Variants in SPIDR observed in about 807,000 individuals in gnomAD.
SPIDR encodes the protein scaffold protein involved in DNA repair.
SPIDR carries 93 observed loss-of-function variants against 104.6 expected under a neutral mutation model. The ratio of observed to expected loss-of-function variants is 0.89; its 90% CI spans 0.75 to 1.06. SPIDR has a LOEUF of 1.06. Ranked by LOEUF, SPIDR falls within the 50% of genes least tolerant of loss-of-function variation. SPIDR has a pLI of 0.00. For missense variants in SPIDR, 1,154 were observed against 1,111.2 expected, an observed-to-expected ratio of 1.04 and a Z score of -0.55; for synonymous variants, 431 against 416.9, an observed-to-expected ratio of 1.03 and a Z score of -0.41.
intron 6 of SPIDR, among the ~76,000 whole-genome samples, chr8:47,407,422 G>A (rs143370077): frequency 6.6e-6 from 1 of 152,278 alleles, no homozygotes; most frequent in Non-Finnish European, 1.5e-5. Flanking sequence ...CCTATGTGCT[G>A]AGCTCATTGG....
At chr8:47,470,261 T>G (rs2075497354) in intron 8 of SPIDR, among the ~76,000 whole-genome samples, 1 of 152,034 alleles carries the variant, frequency 6.6e-6, no homozygotes, top group Admixed American at 6.6e-5. Context: ...ACATATATGG[T>G]GAAGTGAGTT....
chr8:47,618,267 T>C (rs959965939), intron 10 of SPIDR, among the ~76,000 whole-genome samples: 1 of 152,180 alleles, frequency 6.6e-6, no homozygotes, highest in African/African-American at 2.4e-5. Flanking sequence ...AGGCTTTTCC[T>C]GTCATCCTCT....
At chr8:47,557,060 A>C (rs567515940) in intron 8 of SPIDR, among the ~76,000 whole-genome samples, 1 of 152,302 alleles carries the variant, frequency 6.6e-6, no homozygotes, top group African/African-American at 2.4e-5. Flanking sequence ...CAGCAGTGGA[A>C]ATCATAGCTG....
intron 10 of SPIDR, among the ~76,000 whole-genome samples, chr8:47,656,342 G>A (rs2072807334): frequency 6.6e-6 from 1 of 152,126 alleles, no homozygotes; most frequent in Non-Finnish European, 1.5e-5. Context: ...CCAAATAAAA[G>A]ATGGTTAAAA....
intron 5 of SPIDR, among the ~76,000 whole-genome samples, chr8:47,393,467 C>G (rs1554653904): frequency 1.3e-5 from 2 of 152,088 alleles, no homozygotes; most frequent in East Asian, 3.9e-4. Flanking sequence ...GTTGTTGGCT[C>G]CTGCGTCAAG....
At chr8:47,409,078 C>T (rs1156915148) in intron 7 of SPIDR, among the ~76,000 whole-genome samples, 12 of 152,138 alleles carry the variant, frequency 7.9e-5, no homozygotes, top group South Asian at 2.1e-4. Flanking sequence ...CCCAGCTACA[C>T]GGGAGGCTGA....
At chr8:47,533,687 T>C (rs1564253153) in intron 8 of SPIDR, among the ~76,000 whole-genome samples, 2 of 152,114 alleles carry the variant, frequency 1.3e-5, no homozygotes, top group South Asian at 2.1e-4. Context: ...CACTGATCAT[T>C]AGAGAAATGC....
intron 1 of SPIDR, among the ~76,000 whole-genome samples, chr8:47,271,979 T>C (rs1586128011): frequency 2.6e-5 from 4 of 152,152 alleles, no homozygotes; most frequent in African/African-American, 9.6e-5. Context: ...TTTTGTATTT[T>C]TTTTTCTTTT....
At chr8:47,402,225 A>C (rs191431040) in intron 6 of SPIDR, among the ~76,000 whole-genome samples, 1 of 152,362 alleles carries the variant, frequency 6.6e-6, no homozygotes, top group Non-Finnish European at 1.5e-5. Context: ...GGAAATTTAT[A>C]GCACTAAATG....
intron 8 of SPIDR, among the ~76,000 whole-genome samples, chr8:47,476,258 G>T (rs2076281751): frequency 6.6e-6 from 1 of 152,154 alleles, no homozygotes; most frequent in Non-Finnish European, 1.5e-5. Flanking sequence ...CTACTGGAGG[G>T]CAGAGTTATA....
In SPIDR at chr8:47,424,579, A is replaced by G. The variant is rs781787788; in HGVS notation, c.878-15744A>G. On this transcript the variant is annotated intron_variant, in intron 7 of 19. Coordinates refer to ENST00000297423, the MANE Select transcript of SPIDR (RefSeq NM_001080394.4). ...GGGAACCTCCCTTCTCAGTCTCCCA[A>G]TGAATTGGAATTACAGGCGTTAGCC... Among the ~76,000 whole-genome samples, 5 of 152,196 alleles carry G rather than the reference A, an allele frequency of 3.3e-5. No homozygotes were observed. The East Asian group carries it at 5.8e-4, about 18-fold the overall frequency.
intron 10 of SPIDR, among the ~76,000 whole-genome samples, chr8:47,639,937 AAAAAG>A (rs1045568692): frequency 2.0e-5 from 3 of 152,152 alleles, no homozygotes; most frequent in Admixed American, 1.3e-4. Context: ...ACAAAAAAAA[AAAAAG>A]AGAGATTTAT....
chr8:47,314,842 T>A (rs949154017), intron 5 of SPIDR, among the ~76,000 whole-genome samples: 1 of 152,144 alleles, frequency 6.6e-6, no homozygotes, highest in Non-Finnish European at 1.5e-5. Flanking sequence ...TATTTGAAGG[T>A]AGAGATTCAT....
chr8:47,262,203 AATC>A (rs1355950645), intron 1 of SPIDR, among the ~76,000 whole-genome samples: 3 of 152,218 alleles, frequency 2.0e-5, no homozygotes, highest in Non-Finnish European at 4.4e-5. Context: ...TGCATCACAT[AATC>A]ATCATCTCAC....
chr8:47,474,309 CAGA>C (rs1213295380), intron 8 of SPIDR, among the ~76,000 whole-genome samples: 2 of 152,128 alleles, frequency 1.3e-5, no homozygotes, highest in Non-Finnish European at 2.9e-5. Context: ...TCTGAAAATT[CAGA>C]AGTAGTATTT....
intron 10 of SPIDR, among the ~76,000 whole-genome samples, chr8:47,627,186 A>G (rs1421626294): frequency 1.3e-5 from 2 of 152,198 alleles, no homozygotes; most frequent in Non-Finnish European, 2.9e-5. Flanking sequence ...GGAATTGAAC[A>G]ATGAGAATAC....
At chr8:47,332,013 T>A (rs1554605031) in intron 5 of SPIDR, among the ~76,000 whole-genome samples, 3 of 104,958 alleles carry the variant, frequency 2.9e-5, no homozygotes, top group African/African-American at 1.2e-4. Flanking sequence ...TTTTTTTTTA[T>A]TATACTCTAA....
chr8:47,299,237 A>G (rs2041543600), intron 5 of SPIDR, among the ~76,000 whole-genome samples: 1 of 151,180 alleles, frequency 6.6e-6, no homozygotes, highest in Non-Finnish European at 1.5e-5. Context: ...GAGTTCACTC[A>G]TGATTTGGCT....
At chr8:47,584,661 C>T (rs927875509) in intron 8 of SPIDR, among the ~76,000 whole-genome samples, 1 of 152,192 alleles carries the variant, frequency 6.6e-6, no homozygotes, top group Admixed American at 6.5e-5. Flanking sequence ...CACACATACA[C>T]TTTACCTACT....
Sources: gnomAD v4.1 joint callset for allele counts (sites outside exome capture counted in the v4.1 genomes callset) on GRCh38, gnomAD v4.1.1 for gene constraint, MANE v1.5 for transcripts, NCBI Gene and HGNC (gene_info 2026-07-23, HGNC 2026-07-21) for gene names.